Variants in ZCCHC7 observed in about 807,000 individuals in gnomAD.
ZCCHC7 encodes the protein zinc finger CCHC domain-containing protein 7.
ZCCHC7 carries 35 observed loss-of-function variants against 52.0 expected under a neutral mutation model. The observed-to-expected ratio is 0.67, with a 90% confidence interval of 0.51 to 0.89. ZCCHC7 has a LOEUF of 0.89. Ranked by LOEUF, ZCCHC7 falls within the 40% of genes least tolerant of loss-of-function variation. The pLI, the probability that ZCCHC7 is intolerant of heterozygous loss-of-function variation, is 0.00. For missense variants in ZCCHC7, 574 were observed against 649.1 expected, an observed-to-expected ratio of 0.88 and a Z score of 1.26; for synonymous variants, 217 against 221.5, an observed-to-expected ratio of 0.98 and a Z score of 0.18.
intron 2 of ZCCHC7, among the ~76,000 whole-genome samples, chr9:37,136,994 T>G (rs533562115): frequency 2.6e-5 from 4 of 152,196 alleles, no homozygotes; most frequent in Non-Finnish European, 5.9e-5. Context: ...TGGTGACATT[T>G]TATGATCTGC....
chr9:37,130,774 G>A (rs550833329), intron 2 of ZCCHC7, among the ~76,000 whole-genome samples: 107 of 151,914 alleles, frequency 7.0e-4, no homozygotes, highest in Non-Finnish European at 1.1e-3. Flanking sequence ...GGGATTACAG[G>A]CGTGAGCCAC....
At chr9:37,159,645 G>A (rs901705222) in intron 2 of ZCCHC7, among the ~76,000 whole-genome samples, 1 of 152,136 alleles carries the variant, frequency 6.6e-6, no homozygotes, top group African/African-American at 2.4e-5. Context: ...AAGCGCTGAA[G>A]ATACTCCAGA....
At chr9:37,128,687 T>A (rs183462438) in intron 2 of ZCCHC7, among the ~76,000 whole-genome samples, 3 of 152,230 alleles carry the variant, frequency 2.0e-5, no homozygotes, top group African/African-American at 7.2e-5. Context: ...CTGAAGGCTC[T>A]TAAGTTGGAA....
At chr9:37,288,279 CA>C (rs200690644) in intron 2 of ZCCHC7, among the ~76,000 whole-genome samples, 2,567 of 91,354 alleles carry the variant, frequency 0.028, 23 homozygotes, top group Admixed American at 0.04. Context: ...GACCTTGTCT[CA>C]AAAAAAAAAA....
At chr9:37,277,684 T>TA (rs2133547863) in intron 2 of ZCCHC7, among the ~76,000 whole-genome samples, 1 of 152,290 alleles carries the variant, frequency 6.6e-6, no homozygotes, top group Non-Finnish European at 1.5e-5. Context: ...TCCCAATTCT[T>TA]ACTGATTTGG....
At chr9:37,308,944 G>A (rs1409031686) in intron 5 of ZCCHC7, among the ~76,000 whole-genome samples, 1 of 146,492 alleles carries the variant, frequency 6.8e-6, no homozygotes, top group Non-Finnish European at 1.5e-5. Flanking sequence ...TCATGCCACT[G>A]CACTCCAGCC....
intron 2 of ZCCHC7, among the ~76,000 whole-genome samples, chr9:37,155,098 C>T (rs1199618733): frequency 2.6e-5 from 4 of 152,142 alleles, no homozygotes; most frequent in Non-Finnish European, 5.9e-5. Context: ...TAGTGGCTCA[C>T]ACCTGTAATC....
At chr9:37,299,272 G>A (rs887315383) in intron 2 of ZCCHC7, among the ~76,000 whole-genome samples, 1 of 152,180 alleles carries the variant, frequency 6.6e-6, no homozygotes, top group Non-Finnish European at 1.5e-5. Flanking sequence ...GAATTACCTT[G>A]TGCTAGTTGC....
intron 6 of ZCCHC7, among the ~76,000 whole-genome samples, chr9:37,339,702 T>A (rs1009721000): frequency 6.6e-6 from 1 of 152,228 alleles, no homozygotes; most frequent in African/African-American, 2.4e-5. Flanking sequence ...TGCTTTTTAA[T>A]ATATGTCATA....
At chr9:37,162,431 G>T (rs1249390478) in intron 2 of ZCCHC7, among the ~76,000 whole-genome samples, 1 of 152,062 alleles carries the variant, frequency 6.6e-6, no homozygotes, top group Non-Finnish European at 1.5e-5. Flanking sequence ...ATTGCATTCT[G>T]TCATGAGAGA....
chr9:37,303,750 G>A (rs561930989), intron 3 of ZCCHC7, among the ~76,000 whole-genome samples: 1 of 125,896 alleles, frequency 7.9e-6, no homozygotes, highest in East Asian at 2.8e-4. Flanking sequence ...CACATCCTCC[G>A]CCTCCCAGGC....
chr9:37,314,605 G>T (rs553130216), intron 5 of ZCCHC7, among the ~76,000 whole-genome samples: 43 of 152,136 alleles, frequency 2.8e-4, no homozygotes, highest in African/African-American at 8.2e-4. Flanking sequence ...TACAGAATAA[G>T]GTCAGTGCTG....
rs369372479 is a variant in ZCCHC7, at chr9:37,178,363, C to T, written c.610+51421C>T. Among the ~76,000 whole-genome samples, 4 of 149,722 alleles carry T rather than the reference C, an allele frequency of 2.7e-5. No homozygotes were observed. In the East Asian group the frequency reaches 7.8e-4, roughly 29 times the overall value. ...ACATACCATTTGTACCCCCACCTCC[C>T]CTCTCAAACCCATTGCTTCCCCACT... On this transcript the variant is annotated intron_variant, in intron 2 of 8. Coordinates refer to ENST00000336755, the MANE Select transcript of ZCCHC7 (RefSeq NM_032226.3).
Position 37,120,597 on chromosome 9 carries a change from T to C in ZCCHC7, c.-48T>C. The C allele has an allele frequency of 2.5e-6, 1 of 398,772 alleles. No homozygotes were observed. 24.7% of individuals were successfully genotyped at this position (398,772 alleles called of 1,614,324 possible). On this transcript the variant is annotated 5_prime_UTR_variant, in exon 1 of 9. Coordinates refer to ENST00000336755, the MANE Select transcript of ZCCHC7 (RefSeq NM_032226.3). Reference sequence around the variant, plus strand: ...CCCTCTACGCGTTTTGGTTCCCGGTTGGTGCTTCCTGTTCGCAGCTGCGGC... The same window carrying C: ...CCCTCTACGCGTTTTGGTTCCCGGTCGGTGCTTCCTGTTCGCAGCTGCGGC...
intron 2 of ZCCHC7, among the ~76,000 whole-genome samples, chr9:37,214,921 C>T (rs1824425169): frequency 6.6e-6 from 1 of 151,980 alleles, no homozygotes; most frequent in Non-Finnish European, 1.5e-5. Flanking sequence ...AGAGATATTT[C>T]TGATGTAATC....
chr9:37,264,609 G>A (rs1588573714), intron 2 of ZCCHC7, among the ~76,000 whole-genome samples: 1 of 152,132 alleles, frequency 6.6e-6, no homozygotes, highest in Non-Finnish European at 1.5e-5. Flanking sequence ...ACTTCAGATT[G>A]CAGAGGACTA....
Position 37,357,091 on chromosome 9 carries a change from T to C in ZCCHC7, c.1455T>C (p.Ser485=), listed in dbSNP as rs1272243196. 6.2e-7 allele frequency: 1 copy of C among 1,613,572 alleles called. No homozygotes were observed. Among genetic ancestry groups the C allele is most frequent in the African/African-American group, 1.3e-5 (1 of 74,800 alleles). ...CCAAAACCTACTCTTCTCCTGGCAG[T>C]TTTAAAACCCAGAAGCCTTCTAAGC... The part of the protein sequence containing the change: ...RGPKTYSSPG[S]FKTQKPSKPF... The change falls in exon 9 of 9, where the codon AGT becomes AGC. Residue 485 remains serine (S), a synonymous_variant. Coordinates refer to ENST00000336755, the MANE Select transcript of ZCCHC7 (RefSeq NM_032226.3).
intron 2 of ZCCHC7, among the ~76,000 whole-genome samples, chr9:37,297,851 C>A (rs555848848): frequency 6.6e-6 from 1 of 152,194 alleles, no homozygotes; most frequent in Non-Finnish European, 1.5e-5. Context: ...AAAGGAATGA[C>A]GATCTTCAGC....
At chr9:37,175,732 C>T (rs903575163) in intron 2 of ZCCHC7, among the ~76,000 whole-genome samples, 1 of 152,004 alleles carries the variant, frequency 6.6e-6, no homozygotes, top group Non-Finnish European at 1.5e-5. Context: ...CAGAGTGAGA[C>T]TCTGTTTCAG....
Sources: gnomAD v4.1 joint callset for allele counts (sites outside exome capture counted in the v4.1 genomes callset) on GRCh38, gnomAD v4.1.1 for gene constraint, MANE v1.5 for transcripts, NCBI Gene and HGNC (gene_info 2026-07-23, HGNC 2026-07-21) for gene names.